Variants in SAMD11 observed in about 807,000 individuals in gnomAD.
SAMD11 encodes the protein sterile alpha motif domain containing 11, also known as sterile alpha motif domain-containing protein 11.
Under a neutral mutation model 64.4 loss-of-function variants are expected in SAMD11, and 77 were observed. The observed-to-expected ratio is 1.20, with a 90% confidence interval of 0.99 to 1.44. SAMD11 has a LOEUF of 1.44. Among genes scored for constraint, SAMD11 ranks in the 40% most tolerant of loss-of-function variants. SAMD11 has a pLI of 0.00. For missense variants in SAMD11, 1,402 were observed against 943.3 expected (o/e 1.49, Z -6.37); for synonymous variants, 658 against 421.9 (o/e 1.56, Z -6.86).
intron 4 of SAMD11, among the ~76,000 whole-genome samples, chr1:931,324 C>T (rs1641162533): frequency 6.6e-6 from 1 of 152,238 alleles, no homozygotes; most frequent in South Asian, 2.1e-4. Flanking sequence ...AGATGCAGCT[C>T]TCGGCAGCAG....
chr1:935,546 G>GGGGTCCC (rs1457706203), intron 4 of SAMD11, among the ~76,000 whole-genome samples: 1 of 152,202 alleles, frequency 6.6e-6, no homozygotes, highest in African/African-American at 2.4e-5. Flanking sequence ...GAGCAGCCGT[G>GGGGTCCC]GGGTCCCAGG....
Position 944,184 on chromosome 1 carries a change from A to C in SAMD11, c.*31A>C, listed in dbSNP as rs370993172. On this transcript the variant is annotated 3_prime_UTR_variant, in exon 14 of 14. Transcript: ENST00000616016. ...CCGGGGGTAGGGGTGGGGCCACACA[A>C]ATCTCCAGGAGCCACCACTCAACAC... 3.0e-5 allele frequency: 46 copies of C among 1,513,800 alleles called. No individual in the cohort carries two copies. Among genetic ancestry groups the C allele is most frequent in the Middle Eastern group, 3.6e-4 (2 of 5,590 alleles). 93.8% of individuals were successfully genotyped at this position (1,513,800 alleles called of 1,614,324 possible). A position where few individuals can be genotyped will look rare whatever the true frequency, so the allele number is the denominator to read the frequency against.
intron 13 of SAMD11, 41 bp from the exon 14 acceptor site, chr1:943,867 G>C (rs113220168): frequency 1.9e-6 from 3 of 1,612,836 alleles, no homozygotes; most frequent in Admixed American, 1.7e-5. Flanking sequence ...GAAAGCTCTG[G>C]GTGGGTGTGC....
intron 1 of SAMD11, chr1:925,216 G>A (rs1015667910): frequency 1.3e-5 from 2 of 152,284 alleles, no homozygotes; most frequent in Admixed American, 6.5e-5. Context: ...TGGGCCTTAA[G>A]GCCCGAAGGA....
chr1:935,887 C>G lies in SAMD11; in HGVS notation c.958C>G (p.Arg320Gly). The G allele has an allele frequency of 6.2e-7, 1 of 1,611,688 alleles. No individual in the cohort carries two copies. The highest frequency in any genetic ancestry group is 8.5e-7 in the Non-Finnish European group (1 of 1,179,258). Reference protein sequence around the residue: ...FQRGSLEIGLRPAGDLLGKRL... With the variant: ...FQRGSLEIGLGPAGDLLGKRL... The stretch of plus-strand genomic sequence containing the variant: ...GAGAGGCAGCCTGGAGATTGGCCTG[C>G]GACCCGCCGGTGAGGAGCACAGGGG... Residue 320 changes from arginine (R) to glycine (G), a missense_variant, in exon 5 of 14, where the codon CGA becomes GGA. Physicochemically the swap from Arg to Gly is moderately radical, Grantham distance 125. Coordinates refer to ENST00000616016, the MANE Select transcript of SAMD11 (RefSeq NM_001385641.1).
chr1:935,527 C>A (rs1641386528), intron 4 of SAMD11, among the ~76,000 whole-genome samples: 1 of 152,198 alleles, frequency 6.6e-6, no homozygotes, highest in Non-Finnish European at 1.5e-5. Context: ...TCCACATAGA[C>A]CCTCCCTGGA....
At chr1:937,454 G>A (rs765059608) in intron 5 of SAMD11, among the ~76,000 whole-genome samples, 2 of 126,752 alleles carry the variant, frequency 1.6e-5, no homozygotes, top group Admixed American at 8.9e-5. Flanking sequence ...GCCCCCCACA[G>A]AACGGAGAGG....
rs747575887 is a variant in SAMD11, at chr1:942,851, G to A, written c.1846G>A (p.Ala616Thr). 21 of 1,552,196 alleles carry A rather than the reference G, an allele frequency of 1.4e-5. 1 individual carries two copies. The highest frequency in any genetic ancestry group is 1.8e-5 in the Non-Finnish European group (21 of 1,148,018). ...RPSESKEMTG[A>T]RLWAQDGSED... Reference sequence around the variant, plus strand: ...CAGCGAGTCCAAGGAGATGACGGGGGCTAGGCTCTGGGCACAAGATGGCTC... The same window carrying A: ...CAGCGAGTCCAAGGAGATGACGGGGACTAGGCTCTGGGCACAAGATGGCTC... The change falls in exon 11 of 14, where the codon GCT becomes ACT. Residue 616 changes from alanine to threonine, a missense_variant. Ala to Thr is a moderately conservative substitution (Grantham distance 58). Transcript: ENST00000616016.
In SAMD11 at chr1:924,213, C is replaced by T. The variant is rs1226798698; in HGVS notation, c.-219C>T. The T allele has an allele frequency of 1.3e-5, 2 of 149,682 alleles. No homozygotes were observed. The allele number at this position is 149,682 out of a possible 1,614,324, so 9.3% of individuals were successfully genotyped here. A position where few individuals can be genotyped will look rare whatever the true frequency, so the allele number is the denominator to read the frequency against. ...AGTCGATCCGGGATCGATAGCAGCT[C>T]CATGTCTCCGGCCTCTGAGGCCCCG... On this transcript the variant is annotated 5_prime_UTR_variant, in exon 1 of 14. Transcript: ENST00000616016.
chr1:930,390 T>G (rs1474866811), intron 3 of SAMD11, 54 bp downstream of exon 3: 49 of 1,514,978 alleles, frequency 3.2e-5, no homozygotes, highest in Non-Finnish European at 4.2e-5. Flanking sequence ...GGGCTGGAGC[T>G]TCAGGCCTTC....
At chr1:940,120 C>A (rs1307329624) in intron 7 of SAMD11, among the ~76,000 whole-genome samples, 1 of 152,208 alleles carries the variant, frequency 6.6e-6, no homozygotes, top group Non-Finnish European at 1.5e-5. Flanking sequence ...TCACACCAGG[C>A]ACCGTCCCCC....
intron 4 of SAMD11, among the ~76,000 whole-genome samples, chr1:931,553 A>C (rs556138899): frequency 3.1e-4 from 47 of 152,156 alleles, no homozygotes; most frequent in Non-Finnish European, 6.2e-4. Flanking sequence ...GGAACAGGGA[A>C]GGGCGTGTAG....
chr1:941,092 G>A (rs989557570), intron 7 of SAMD11, 52 bp from the exon 8 acceptor site: 5 of 1,498,728 alleles, frequency 3.3e-6, no homozygotes, highest in Non-Finnish European at 4.5e-6. Flanking sequence ...CGCGGGCTGG[G>A]GAGGATGAGG....
At position 925,908 on chromosome 1, in the gene SAMD11, G is replaced by C; in HGVS notation, c.518-14G>C. On this transcript the variant is annotated splice_polypyrimidine_tract_variant and intron_variant, in intron 1 of 13. Transcript: ENST00000616016. ...GCCGCTCCCTCACAGGGTCTGCCTC[G>C]GCTCTGCTCGCAGGGAAAAGTCTGA... 1 of 1,596,344 alleles carries C rather than the reference G, an allele frequency of 6.3e-7. No individual in the cohort carries two copies. Among genetic ancestry groups the C allele is most frequent in the South Asian group, 1.1e-5 (1 of 90,810 alleles).
rs1404822585 is a variant in SAMD11 at position 924,958 on chromosome 1, C to A, written c.517+10C>A. On this transcript the variant is annotated intron_variant, in intron 1 of 13. Transcript: ENST00000616016. The stretch of plus-strand genomic sequence containing the variant: ...AGCATCCGCCACAAAGGTGCCGCCG[C>A]CCCTCCCTTCGCTGCCGGGACCCGC... The A allele has an allele frequency of 6.6e-6, 1 of 152,230 alleles. No homozygotes were observed. Among genetic ancestry groups the A allele is most frequent in the African/African-American group, 2.4e-5 (1 of 41,442 alleles). The allele number at this position is 152,230 out of a possible 1,614,324, so 9.4% of individuals were successfully genotyped here. A position where few individuals can be genotyped will look rare whatever the true frequency, so the allele number is the denominator to read the frequency against.
In SAMD11 at chr1:944,182, C is replaced by G. The variant is rs761255988; in HGVS notation, c.*29C>G. On this transcript the variant is annotated 3_prime_UTR_variant, in exon 14 of 14. Coordinates refer to ENST00000616016, the MANE Select transcript of SAMD11 (RefSeq NM_001385641.1). Reference sequence around the variant, plus strand: ...TGCCGGGGGTAGGGGTGGGGCCACACAAATCTCCAGGAGCCACCACTCAAC... The same window carrying G: ...TGCCGGGGGTAGGGGTGGGGCCACAGAAATCTCCAGGAGCCACCACTCAAC... 3 of 1,516,104 alleles carry G rather than the reference C, an allele frequency of 2.0e-6. No homozygotes were observed. The highest frequency in any genetic ancestry group is 2.6e-6 in the Non-Finnish European group (3 of 1,132,330). 93.9% of individuals were successfully genotyped at this position (1,516,104 alleles called of 1,614,324 possible). A position where few individuals can be genotyped will look rare whatever the true frequency, so the allele number is the denominator to read the frequency against.
In SAMD11 at chr1:942,726, C is replaced by T. The variant is rs1018601431; in HGVS notation, c.1721C>T (p.Pro574Leu). Residue 574 changes from proline to leucine, a missense_variant, in exon 11 of 14, where the codon CCC (proline) becomes CTC (leucine). Transcript: ENST00000616016. ...NHGAAPLLALPPQGPPGSGPP... is the reference protein window; with the variant it reads ...NHGAAPLLALLPQGPPGSGPP... ...GGCGCGGCGCCACTGCTGGCCCTGC[C>T]CCCCCAGGGGCCCCCGGGCTCCGGA... The T allele has an allele frequency of 2.0e-6, 3 of 1,464,398 alleles. No individual in the cohort carries two copies. Among genetic ancestry groups the T allele is most frequent in the South Asian group, 1.4e-5 (1 of 72,992 alleles). 90.7% of individuals were successfully genotyped at this position (1,464,398 alleles called of 1,614,324 possible).
intron 8 of SAMD11, 127 bp downstream of exon 8, chr1:941,433 G>A (rs886347186): frequency 5.0e-6 from 5 of 1,006,236 alleles, no homozygotes; most frequent in Non-Finnish European, 4.2e-6. Flanking sequence ...GGTCCGGGCA[G>A]AGCGTTTCGG....
intron 2 of SAMD11, among the ~76,000 whole-genome samples, chr1:929,914 G>T (rs1230459164): frequency 6.6e-6 from 1 of 152,172 alleles, no homozygotes; most frequent in South Asian, 2.1e-4. Flanking sequence ...CCCGTCTCTC[G>T]GCTCTCCTCT....
Sources: gnomAD v4.1 joint callset for allele counts (sites outside exome capture counted in the v4.1 genomes callset) on GRCh38, gnomAD v4.1.1 for gene constraint, MANE v1.5 for transcripts, NCBI Gene and HGNC (gene_info 2026-07-23, HGNC 2026-07-21) for gene names.